Variants in TFAP2A observed in about 807,000 individuals in gnomAD.
TFAP2A encodes transcription factor AP-2 alpha, also known as transcription factor AP-2-alpha.
In TFAP2A, 7 loss-of-function variants were observed where a neutral mutation model predicts 41.5. The ratio of observed to expected loss-of-function variants is 0.17; its 90% CI spans 0.10 to 0.32. The LOEUF is 0.32. Ranked by LOEUF, TFAP2A falls within the 10% of genes least tolerant of loss-of-function variation. TFAP2A has a pLI of 1.00. For missense variants in TFAP2A, 416 were observed against 563.3 expected (o/e 0.74, Z 2.65); for synonymous variants, 247 against 242.8 (o/e 1.02, Z -0.16).
In TFAP2A at chr6:10,410,317, T is replaced by G; in HGVS notation, c.70A>C (p.Ser24Arg). Residue 24 changes from serine (S) to arginine (R), a missense_variant, in exon 2 of 7, where the codon AGC becomes CGC. By Grantham distance (110) the Ser-to-Arg change is moderately radical. Transcript: ENST00000379613. ...EDCEDRHDGT[S>R]NGTARLPQLG... is the part of the protein sequence containing the mutation. ...TGGGGCAACCGTGCCGTCCCGTTGC[T>G]GGTGCCGTCGTGACGGTCCTAGAAG... 6.2e-7 allele frequency: 1 copy of G among 1,611,514 alleles called. No individual in the cohort carries two copies. The highest frequency in any genetic ancestry group is 8.5e-7 in the Non-Finnish European group (1 of 1,179,310).
rs1758186839 is a variant in TFAP2A, at chr6:10,415,050, G to T, written c.-59C>A. ...TCGCACCCAAGTGGAGCTACTCTCT[G>T]GGTGAGCGCAAAGTGCTGGCTGCCG... On this transcript the variant is annotated 5_prime_UTR_variant, in exon 1 of 7. Transcript: ENST00000379613. 1 of 1,613,958 alleles carries T rather than the reference G, an allele frequency of 6.2e-7. No homozygotes were observed.
intron 4 of TFAP2A, 48 bp downstream of exon 4, chr6:10,404,460 G>T: frequency 7.1e-7 from 1 of 1,405,506 alleles, no homozygotes. Context: ...AAGCGCAGTG[G>T]TTCCCCCGGC....
In TFAP2A at chr6:10,398,355, G is replaced by GGAGGGTGTCA. The variant is rs1363190893; in HGVS notation, c.*61_*62insTGACACCCTC. On this transcript the variant is annotated 3_prime_UTR_variant, in exon 7 of 7. Coordinates refer to ENST00000379613, the MANE Select transcript of TFAP2A (RefSeq NM_001372066.1). The surrounding 1 kb of genome is among the most constrained non-coding windows in gnomAD (Gnocchi z 5.3). ...GTTGCTGATCCCGGAGCTGTCACCC[G>GGAGGGTGTCA]CCGGAGGGTGGGCGCGCGGGGGGCT... is the stretch of plus-strand genomic sequence containing the variant. The GGAGGGTGTCA allele has an allele frequency of 1.9e-6, 3 of 1,606,494 alleles. No homozygotes were observed. The highest frequency in any genetic ancestry group is 2.5e-6 in the Non-Finnish European group (3 of 1,177,364).
At chr6:10,402,069 G>C (rs1026251428) in intron 5 of TFAP2A, 1 of 352,426 alleles carries the variant, frequency 2.8e-6, no homozygotes, top group African/African-American at 2.1e-5. Context: ...ACATAACCCT[G>C]AGCTTTCAGG....
chr6:10,404,364 C>A (rs1041197990), intron 4 of TFAP2A, 144 bp downstream of exon 4: 14 of 356,350 alleles, frequency 3.9e-5, no homozygotes, highest in Admixed American at 5.3e-5. Context: ...CTTGGCTCTA[C>A]GCTCTTCTCC....
upstream of TFAP2A, among the ~76,000 whole-genome samples, chr6:10,417,995 AGACT>A (rs1003283866): frequency 1.3e-5 from 2 of 152,236 alleles, no homozygotes; most frequent in African/African-American, 2.4e-5. Flanking sequence ...GAAAACCCAA[AGACT>A]GCTCCGAAAG....
In TFAP2A at chr6:10,415,023, T is replaced by G; in HGVS notation, c.-32A>C. 6.2e-7 allele frequency: 1 copy of G among 1,613,950 alleles called. No individual in the cohort carries two copies. Among genetic ancestry groups the G allele is most frequent in the Non-Finnish European group, 8.5e-7 (1 of 1,180,020 alleles). ...GCGTGAACGGATATGCCCCTCTCGG[T>G]CTCGCACCCAAGTGGAGCTACTCTC... On this transcript the variant is annotated 5_prime_UTR_variant, in exon 1 of 7. Transcript: ENST00000379613.
intron 4 of TFAP2A, 53 bp from the exon 5 acceptor site, chr6:10,402,663 G>T: frequency 1.5e-6 from 2 of 1,301,948 alleles, no homozygotes; most frequent in Non-Finnish European, 1.1e-6. Flanking sequence ...GGGTTGCTCT[G>T]CACCACATTA....
intron 1 of TFAP2A, chr6:10,412,901 G>T (rs984010550): frequency 2.6e-5 from 4 of 153,392 alleles, no homozygotes; most frequent in Admixed American, 6.5e-5. Flanking sequence ...CTCTGCCCTC[G>T]GCTCTCTGGG....
At chr6:10,413,904 T>C (rs1758118823) in intron 1 of TFAP2A, among the ~76,000 whole-genome samples, 1 of 150,060 alleles carries the variant, frequency 6.7e-6, no homozygotes, top group African/African-American at 2.4e-5. Flanking sequence ...GACTGCCACC[T>C]ATTTATTTAG....
chr6:10,411,610 G>C (rs1398127502), intron 1 of TFAP2A: 2 of 1,614,010 alleles, frequency 1.2e-6, no homozygotes, highest in South Asian at 1.1e-5. Flanking sequence ...CGAAGAGTCT[G>C]GGGTAACGAG....
intron 6 of TFAP2A, among the ~76,000 whole-genome samples, chr6:10,399,438 T>TA (rs1761920737): frequency 6.6e-6 from 1 of 152,198 alleles, no homozygotes; most frequent in Admixed American, 6.5e-5. Flanking sequence ...TGGGTGTGCT[T>TA]ACGAAGCCTG....
chr6:10,400,106 GTTACCC>G (rs1561705219), intron 6 of TFAP2A, among the ~76,000 whole-genome samples: 1 of 151,922 alleles, frequency 6.6e-6, no homozygotes, highest in African/African-American at 2.4e-5. Flanking sequence ...AGGTAAGCCT[GTTACCC>G]CTTTGAGGAT....
In TFAP2A at chr6:10,398,296, G is replaced by GGCAGCA. The variant is rs1264691695; in HGVS notation, c.*115_*120dup. The stretch of plus-strand genomic sequence containing the variant: ...CAAGGGCAGCGGCGGCGGCGGCGGC[G>GGCAGCA]GCAGCAGCAGCAGCAGTAGCAGCAG... On this transcript the variant is annotated 3_prime_UTR_variant, in exon 7 of 7. Transcript: ENST00000379613. The surrounding 1 kb of genome is among the most constrained non-coding windows in gnomAD (Gnocchi z 5.3). 1.8e-5 allele frequency: 29 copies of GGCAGCA among 1,576,950 alleles called. No homozygotes were observed. Among genetic ancestry groups the GGCAGCA allele is most frequent in the East Asian group, 4.6e-5 (2 of 43,936 alleles).
At chr6:10,417,765 T>A (rs538170635), upstream of TFAP2A, among the ~76,000 whole-genome samples, 68 of 152,126 alleles carry the variant, frequency 4.5e-4, no homozygotes, top group African/African-American at 1.5e-3. Context: ...GGGCCCCAAA[T>A]CCGCTCGCCC....
At chr6:10,418,820 A>G (rs1758332171), upstream of TFAP2A, 1 of 153,310 alleles carries the variant, frequency 6.5e-6, no homozygotes, top group Non-Finnish European at 1.5e-5. Context: ...GTGAGTTGCT[A>G]GCTAAACTTC....
chr6:10,410,281 C>T lies in TFAP2A; in HGVS notation c.106G>A (p.Val36Ile), dbSNP rs2113205023. 1.2e-6 allele frequency: 2 copies of T among 1,612,206 alleles called. No homozygotes were observed. The highest frequency in any genetic ancestry group is 1.1e-5 in the South Asian group (1 of 90,950). ...GTARLPQLGT[V>I]GQSPYTSAPP... ...GCGCTCGTGTAGGGAGATTGACCTA[C>T]AGTGCCCAGCTGGGGCAACCGTGCC... Residue 36 changes from valine (V) to isoleucine (I), a missense_variant, in exon 2 of 7, where the codon GTA becomes ATA. Coordinates refer to ENST00000379613, the MANE Select transcript of TFAP2A (RefSeq NM_001372066.1).
chr6:10,406,962 T>A (rs1446421571), intron 2 of TFAP2A, 118 bp from the exon 3 acceptor site: 6 of 838,516 alleles, frequency 7.2e-6, no homozygotes, highest in Non-Finnish European at 1.2e-5. Flanking sequence ...TCCCGTATAA[T>A]GACATTTATA....
At chr6:10,404,823 G>T (rs1219284348) in intron 3 of TFAP2A, 84 bp from the exon 4 acceptor site, 4 of 1,294,048 alleles carry the variant, frequency 3.1e-6, no homozygotes, top group Admixed American at 1.8e-5. Flanking sequence ...ATCCCGGCCA[G>T]GGCCGGATCC....
Sources: gnomAD v4.1 joint callset for allele counts (sites outside exome capture counted in the v4.1 genomes callset) on GRCh38, gnomAD v4.1.1 for gene constraint, Gnocchi (gnomAD v3.1) non-coding constraint, MANE v1.5 for transcripts, NCBI Gene and HGNC (gene_info 2026-07-23, HGNC 2026-07-21) for gene names.